Variants in GRIA4 observed in about 807,000 individuals in gnomAD.
GRIA4 encodes glutamate ionotropic receptor AMPA type subunit 4.
GRIA4 carries 34 observed loss-of-function variants against 104.0 expected under a neutral mutation model. That is an observed-to-expected ratio of 0.33 (90% CI 0.25 to 0.44). GRIA4 has a LOEUF of 0.44. Ranked by LOEUF, GRIA4 falls within the 20% of genes least tolerant of loss-of-function variation. The pLI, the probability that GRIA4 is intolerant of heterozygous loss-of-function variation, is 1.00. For missense variants in GRIA4, 750 were observed against 1,096.5 expected, an observed-to-expected ratio of 0.68 and a Z score of 4.46; for synonymous variants, 386 against 381.9, an observed-to-expected ratio of 1.01 and a Z score of -0.13.
intron 4 of GRIA4, among the ~76,000 whole-genome samples, chr11:105,821,501 G>C (rs866903472): frequency 6.6e-6 from 1 of 151,986 alleles, no homozygotes; most frequent in Middle Eastern, 3.4e-3. Flanking sequence ...GAAGGCAAAG[G>C]GAGAGCCGGT....
intron 3 of GRIA4, among the ~76,000 whole-genome samples, chr11:105,710,160 C>T (rs547064986): frequency 2.0e-5 from 3 of 151,998 alleles, no homozygotes; most frequent in Admixed American, 2.0e-4. Context: ...ACTAGTTTTA[C>T]CTTGATGAAA....
rs1046044983 is a variant in GRIA4 at position 105,866,591 on chromosome 11, A to C, written c.672+4383A>C. ...TATATATATATATATATATTCAGGT[A>C]CTATGCTCTGCTGAAGATACAGTGC... On this transcript the variant is annotated intron_variant, in intron 5 of 16. Coordinates refer to ENST00000282499, the MANE Select transcript of GRIA4 (RefSeq NM_000829.4). 5.0e-5 allele frequency among the ~76,000 whole-genome samples: 7 copies of C among 141,286 alleles called. No homozygotes were observed. The Admixed American group carries it at 5.1e-4, about 10-fold the overall frequency. 92.7% of individuals were successfully genotyped at this position (141,286 alleles called of 152,430 possible).
intron 11 of GRIA4, among the ~76,000 whole-genome samples, chr11:105,919,643 G>C (rs1947505325): frequency 6.6e-6 from 1 of 152,078 alleles, no homozygotes; most frequent in Non-Finnish European, 1.5e-5. Flanking sequence ...GCCTGAATCA[G>C]AGCAATATCA....
intron 3 of GRIA4, among the ~76,000 whole-genome samples, chr11:105,659,970 A>G (rs1228786792): frequency 6.6e-6 from 1 of 151,774 alleles, no homozygotes; most frequent in Non-Finnish European, 1.5e-5. Context: ...AAACAATGGT[A>G]AAATTTTCAA....
intron 14 of GRIA4, among the ~76,000 whole-genome samples, chr11:105,948,605 T>G (rs1288872209): frequency 2.1e-5 from 3 of 141,474 alleles, no homozygotes; most frequent in African/African-American, 7.8e-5. Context: ...GTTTTTTTTT[T>G]TTTTTTTTTT....
Position 105,980,410 on chromosome 11 carries a change from T to C in GRIA4, c.*671T>C, listed in dbSNP as rs577856551. 1 of 152,656 alleles carries C rather than the reference T, an allele frequency of 6.6e-6. No homozygotes were observed. Among genetic ancestry groups the C allele is most frequent in the South Asian group, 2.1e-4 (1 of 4,832 alleles). The allele number at this position is 152,656 out of a possible 1,614,324, so 9.5% of individuals were successfully genotyped here. A position where few individuals can be genotyped will look rare whatever the true frequency, so the allele number is the denominator to read the frequency against. ...GAACAATACATTGCAATAATTGATA[T>C]AAATGCCATCACTGTAATAAACTTT... On this transcript the variant is annotated 3_prime_UTR_variant, in exon 17 of 17. Coordinates refer to ENST00000282499, the MANE Select transcript of GRIA4 (RefSeq NM_000829.4).
rs1320220008 is a variant in GRIA4 at position 105,980,779 on chromosome 11, G to C, written c.*1040G>C. On this transcript the variant is annotated 3_prime_UTR_variant, in exon 17 of 17. Coordinates refer to ENST00000282499, the MANE Select transcript of GRIA4 (RefSeq NM_000829.4). Reference sequence around the variant, plus strand: ...TTTGAGAAATTATAAGACTATAAGAGAGATTGTATTAGTGGTGGGCCATAG... The same window carrying C: ...TTTGAGAAATTATAAGACTATAAGACAGATTGTATTAGTGGTGGGCCATAG... 6.6e-6 allele frequency: 1 copy of C among 152,604 alleles called. No individual in the cohort carries two copies. Among genetic ancestry groups the C allele is most frequent in the Non-Finnish European group, 1.5e-5 (1 of 68,052 alleles). The allele number at this position is 152,604 out of a possible 1,614,324, so 9.5% of individuals were successfully genotyped here. A position where few individuals can be genotyped will look rare whatever the true frequency, so the allele number is the denominator to read the frequency against.
chr11:105,905,495 A>C (rs1396175679), intron 9 of GRIA4, among the ~76,000 whole-genome samples, 194 bp downstream of exon 9: 1 of 152,220 alleles, frequency 6.6e-6, no homozygotes, highest in South Asian at 2.1e-4. Context: ...AGTGTGCCCA[A>C]GCTGAAACAA....
chr11:105,811,717 T>G (rs1390010165), intron 4 of GRIA4, among the ~76,000 whole-genome samples: 1 of 152,180 alleles, frequency 6.6e-6, no homozygotes, highest in African/African-American at 2.4e-5. Context: ...TAAAAAATAT[T>G]TGATATGTAT....
At chr11:105,829,648 C>T (rs1943901988) in intron 4 of GRIA4, among the ~76,000 whole-genome samples, 1 of 151,902 alleles carries the variant, frequency 6.6e-6, no homozygotes, top group Non-Finnish European at 1.5e-5. Context: ...TATTCCTCCA[C>T]ACTATGTCGA....
In GRIA4 at chr11:105,861,522, A is replaced by C. The variant is rs145988211; in HGVS notation, c.488-502A>C. 6.4e-3 allele frequency among the ~76,000 whole-genome samples: 981 copies of C among 152,288 alleles called. 8 individuals are homozygous for C. Among genetic ancestry groups the C allele is most frequent in the African/African-American group, 0.022 (915 of 41,560 alleles). On this transcript the variant is annotated intron_variant, in intron 4 of 16. Coordinates refer to ENST00000282499, the MANE Select transcript of GRIA4 (RefSeq NM_000829.4). Reference sequence around the variant, plus strand: ...AATATGCACCTGTCCTCATCAACAAATAAAGCACCGAGAATAATGAGTCCT... The same window carrying C: ...AATATGCACCTGTCCTCATCAACAACTAAAGCACCGAGAATAATGAGTCCT...
At chr11:105,799,288 T>C (rs1942617219) in intron 4 of GRIA4, among the ~76,000 whole-genome samples, 1 of 152,054 alleles carries the variant, frequency 6.6e-6, no homozygotes, top group Non-Finnish European at 1.5e-5. Context: ...GCAGTTTCAT[T>C]GAATAGAGTA....
intron 11 of GRIA4, 122 bp from the exon 12 acceptor site, chr11:105,924,277 G>C: frequency 3.1e-6 from 2 of 646,090 alleles, no homozygotes; most frequent in Non-Finnish European, 5.3e-6. Flanking sequence ...TACATTGTTG[G>C]CACTCCAAAA....
intron 3 of GRIA4, among the ~76,000 whole-genome samples, chr11:105,716,970 G>C (rs1307915731): frequency 1.3e-5 from 2 of 152,102 alleles, no homozygotes; most frequent in Non-Finnish European, 2.9e-5. Context: ...GAGAAACTGA[G>C]TCTTTGCCTT....
chr11:105,640,419 T>C (rs903727198), intron 3 of GRIA4, among the ~76,000 whole-genome samples: 1 of 151,886 alleles, frequency 6.6e-6, no homozygotes, highest in African/African-American at 2.4e-5. Flanking sequence ...ATTAAAATAA[T>C]AATTCTACTA....
chr11:105,974,363 G>A lies in GRIA4; in HGVS notation c.2463G>A (p.Leu821=), dbSNP rs760716185. The change falls in exon 16 of 17, where the codon CTG becomes CTA. Residue 821 remains leucine (L), a synonymous_variant. Transcript: ENST00000282499. ...LSNVAGVFYI[L]VGGLGLAMLV... ...ATGTAGCAGGCGTCTTCTACATTCT[G>A]GTTGGCGGCTTGGGCTTGGCAATGC... 1.2e-6 allele frequency: 2 copies of A among 1,613,886 alleles called. No homozygotes were observed. Among genetic ancestry groups the A allele is most frequent in the South Asian group, 2.2e-5 (2 of 91,068 alleles).
chr11:105,919,465 T>G (rs1311275644), intron 11 of GRIA4, among the ~76,000 whole-genome samples: 3 of 152,146 alleles, frequency 2.0e-5, no homozygotes, highest in African/African-American at 7.2e-5. Flanking sequence ...AATTTAAACT[T>G]TATGCAGTGC....
At chr11:105,759,454 ACT>A (rs1179034341) in intron 4 of GRIA4, among the ~76,000 whole-genome samples, 1 of 152,000 alleles carries the variant, frequency 6.6e-6, no homozygotes, top group Non-Finnish European at 1.5e-5. Flanking sequence ...AGCTACTTTG[ACT>A]CTGTAAACTT....
chr11:105,862,346 C>T, intron 5 of GRIA4, 138 bp downstream of exon 5: 3 of 601,346 alleles, frequency 5.0e-6, no homozygotes, highest in Non-Finnish European at 5.9e-6. Flanking sequence ...CCATGACTAT[C>T]TTCAGGACCA....
Sources: allele counts gnomAD v4.1 joint callset (sites outside exome capture counted in the v4.1 genomes callset), GRCh38; gene constraint gnomAD v4.1.1; transcripts MANE v1.5; gene names NCBI Gene and HGNC (gene_info 2026-07-23, HGNC 2026-07-21).